Variants in EDEM3 observed in about 807,000 individuals in gnomAD.
EDEM3 encodes the protein ER degradation enhancing alpha-mannosidase like protein 3.
Under a neutral mutation model 110.2 loss-of-function variants are expected in EDEM3, and 60 were observed. That is an observed-to-expected ratio of 0.54 (90% CI 0.44 to 0.67). EDEM3 has a LOEUF of 0.67. Among genes scored for constraint, EDEM3 ranks in the 30% least tolerant of loss-of-function variants. EDEM3 has a pLI of 0.00. For missense variants in EDEM3, 996 were observed against 1,121.0 expected (o/e 0.89, Z 1.59); for synonymous variants, 352 against 382.9 (o/e 0.92, Z 0.94).
intron 8 of EDEM3, among the ~76,000 whole-genome samples, chr1:184,723,319 A>G (rs974614661): frequency 1.3e-5 from 2 of 152,034 alleles, no homozygotes; most frequent in Non-Finnish European, 2.9e-5. Flanking sequence ...CAGAGGTTAA[A>G]TAAGTTTCCC....
At position 184,711,708 on chromosome 1, in the gene EDEM3, A is replaced by C; in HGVS notation, c.1691+15T>G. The C allele has an allele frequency of 6.4e-7, 1 of 1,560,240 alleles. No individual in the cohort carries two copies. Among genetic ancestry groups the C allele is most frequent in the Non-Finnish European group, 8.6e-7 (1 of 1,157,818 alleles). On this transcript the variant is annotated intron_variant, in intron 15 of 19. Transcript: ENST00000318130. The stretch of plus-strand genomic sequence containing the variant: ...ACAACTTTGATATTAGAAAATATAA[A>C]ATAATACATCTTACACTCTGATGAT...
intron 2 of EDEM3, among the ~76,000 whole-genome samples, chr1:184,743,369 G>T: frequency 1.3e-5 from 2 of 152,004 alleles, no homozygotes; most frequent in Middle Eastern, 3.2e-3. Flanking sequence ...ATATTGATAT[G>T]ACTCAGAGCC....
At chr1:184,750,372 G>A (rs1055202778) in intron 1 of EDEM3, among the ~76,000 whole-genome samples, 6 of 152,188 alleles carry the variant, frequency 3.9e-5, no homozygotes, top group Non-Finnish European at 7.3e-5. Flanking sequence ...GTAAGGTTGC[G>A]ACTGAGGAAG....
At chr1:184,714,844 C>T (rs1650455952) in intron 13 of EDEM3, among the ~76,000 whole-genome samples, 2 of 152,184 alleles carry the variant, frequency 1.3e-5, no homozygotes, top group South Asian at 4.1e-4. Context: ...GTGGAGAACA[C>T]TCATTTGTCA....
chr1:184,754,441 G>C lies in EDEM3; in HGVS notation c.158+48C>G, dbSNP rs756970940. On this transcript the variant is annotated intron_variant, in intron 1 of 19. Coordinates refer to ENST00000318130, the MANE Select transcript of EDEM3 (RefSeq NM_025191.4). The stretch of plus-strand genomic sequence containing the variant: ...GGTCGCAATGACAGGCACCCCTCCT[G>C]TTGTCAGCCTCACCGAGAAACCCAC... 2.5e-6 allele frequency: 4 copies of C among 1,610,524 alleles called. No homozygotes were observed. In the East Asian group the frequency reaches 8.9e-5, roughly 36 times the overall value.
At chr1:184,741,980 G>A in intron 2 of EDEM3, among the ~76,000 whole-genome samples, 1 of 152,018 alleles carries the variant, frequency 6.6e-6, no homozygotes, top group Non-Finnish European at 1.5e-5. Flanking sequence ...TTTTTATTAT[G>A]TGAATGTCCA....
intron 7 of EDEM3, 72 bp from the exon 8 acceptor site, chr1:184,723,928 A>G (rs1651049379): frequency 8.8e-7 from 1 of 1,142,540 alleles, no homozygotes; most frequent in African/African-American, 1.6e-5. Context: ...GCAAATAGGA[A>G]ACTAACAAAC....
Position 184,710,545 on chromosome 1 carries a change from T to G in EDEM3, c.1694A>C (p.Glu565Ala). The G allele has an allele frequency of 6.2e-7, 1 of 1,608,220 alleles. No individual in the cohort carries two copies. The highest frequency in any genetic ancestry group is 1.1e-5 in the South Asian group (1 of 89,850). ...TTTAGCTCCACTCCTGAAACTCTCC[T>G]CTCTGCTAAAAGTAATTACAGGCAA... The part of the protein sequence containing the change: ...KSCPRGIIRV[E>A]ESFRSGAKPP... The change falls in exon 16 of 20, where the codon GAG becomes GCG. Residue 565 changes from glutamate to alanine, a missense_variant and splice_region_variant. Transcript: ENST00000318130.
At chr1:184,738,514 T>C (rs1427791707) in intron 2 of EDEM3, among the ~76,000 whole-genome samples, 1 of 152,294 alleles carries the variant, frequency 6.6e-6, no homozygotes, top group African/African-American at 2.4e-5. Flanking sequence ...TTTGAACATA[T>C]GCCAGTATTT....
chr1:184,696,419 G>A (rs1441854342), intron 19 of EDEM3, among the ~76,000 whole-genome samples: 1 of 151,678 alleles, frequency 6.6e-6, no homozygotes, highest in South Asian at 2.1e-4. Context: ...ATGCTTTTCT[G>A]TTGTTAACCT....
chr1:184,715,935 C>T (rs1336647547), intron 13 of EDEM3, among the ~76,000 whole-genome samples: 1 of 152,132 alleles, frequency 6.6e-6, no homozygotes, highest in African/African-American at 2.4e-5. Flanking sequence ...TAAGGGACAA[C>T]TCTATGGGTA....
intron 7 of EDEM3, among the ~76,000 whole-genome samples, chr1:184,725,722 G>T (rs1651154669): frequency 6.6e-6 from 1 of 151,818 alleles, no homozygotes; most frequent in South Asian, 2.1e-4. Context: ...TAAATAATTA[G>T]ATTTTTTTAA....
chr1:184,716,892 C>A lies in EDEM3; in HGVS notation c.1366G>T (p.Asp456Tyr). ...GGATGTTAGCAATTGTTTTACCTGTCCTCATGACTTCCAGTACGAACATCC... is the reference window on the plus strand; with the variant it reads ...GGATGTTAGCAATTGTTTTACCTGTACTCATGACTTCCAGTACGAACATCC... ...MKDVRTGSHEDRMDSFFLAEM... is the reference protein window; with the variant it reads ...MKDVRTGSHEYRMDSFFLAEM... Residue 456 changes from aspartate (D) to tyrosine (Y), a missense_variant, in exon 13 of 20, where the codon GAC becomes TAC. Coordinates refer to ENST00000318130, the MANE Select transcript of EDEM3 (RefSeq NM_025191.4). 5 of 1,613,116 alleles carry A rather than the reference C, an allele frequency of 3.1e-6. No individual in the cohort carries two copies. Among genetic ancestry groups the A allele is most frequent in the Non-Finnish European group, 4.2e-6 (5 of 1,179,264 alleles).
At position 184,754,517 on chromosome 1, in the gene EDEM3, T is replaced by C. The variant is rs374881926; in HGVS notation, c.130A>G (p.Met44Val). 8 of 1,612,860 alleles carry C rather than the reference T, an allele frequency of 5.0e-6. No homozygotes were observed. Among genetic ancestry groups the C allele is most frequent in the Non-Finnish European group, 6.8e-6 (8 of 1,179,786 alleles). Residue 44 changes from methionine (M) to valine (V), a missense_variant, in exon 1 of 20, where the codon ATG becomes GTG. Met to Val is a conservative substitution (Grantham distance 21). Around this residue, in one of 5 missense-constraint regions of EDEM3, gnomAD observed 200 missense variants for 183.8 expected, o/e 1.09. Coordinates refer to ENST00000318130, the MANE Select transcript of EDEM3 (RefSeq NM_025191.4). ...AGCTTCTGTTTCTCCTCCCTACTCA[T>C]GGGCTCGGCCCCCGCCGTCCACACG... ...TSVWTAGAEP[M>V]SREEKQKLGN...
chr1:184,725,075 G>A (rs1651116796), intron 7 of EDEM3, among the ~76,000 whole-genome samples: 2 of 152,118 alleles, frequency 1.3e-5, no homozygotes, highest in South Asian at 4.1e-4. Flanking sequence ...AACAGGCAGT[G>A]GCTGCACTTT....
intron 19 of EDEM3, among the ~76,000 whole-genome samples, chr1:184,695,176 C>G (rs1357275933): frequency 6.6e-6 from 1 of 151,970 alleles, no homozygotes; most frequent in African/African-American, 2.4e-5. Flanking sequence ...AGGGTTCCTA[C>G]AAGAAAGTGC....
intron 19 of EDEM3, among the ~76,000 whole-genome samples, chr1:184,700,105 T>C (rs1255735978): frequency 1.3e-5 from 2 of 151,990 alleles, no homozygotes; most frequent in Non-Finnish European, 2.9e-5. Flanking sequence ...AGGTTTGACC[T>C]AAGGAAGCAA....
intron 2 of EDEM3, among the ~76,000 whole-genome samples, chr1:184,738,367 A>G (rs1166227271): frequency 6.6e-6 from 1 of 152,210 alleles, no homozygotes; most frequent in Non-Finnish European, 1.5e-5. Context: ...ATTCAAAGCC[A>G]GGTACCCTGA....
intron 2 of EDEM3, among the ~76,000 whole-genome samples, chr1:184,740,387 A>G (rs144792623): frequency 1.3e-5 from 2 of 152,300 alleles, no homozygotes; most frequent in East Asian, 3.9e-4. Context: ...ACCCAACAAC[A>G]TGGTTCAAAT....
Sources: gnomAD v4.1 joint callset for allele counts (sites outside exome capture counted in the v4.1 genomes callset) on GRCh38, gnomAD v4.1.1 for gene constraint, gnomAD v4.1.1 regional missense constraint, MANE v1.5 for transcripts, NCBI Gene and HGNC (gene_info 2026-07-23, HGNC 2026-07-21) for gene names.